Variants in OTULINL observed in about 807,000 individuals in gnomAD.
OTULINL encodes OTU deubiquitinase with linear linkage specificity like.
A neutral mutation model predicts 43.9 loss-of-function variants in OTULINL; 42 were observed. That is an observed-to-expected ratio of 0.96 (90% CI 0.75 to 1.24). OTULINL has a LOEUF of 1.24. Ranked by LOEUF, OTULINL falls within the 50% of genes most tolerant of loss-of-function variation. OTULINL has a pLI of 0.00. For missense variants in OTULINL, 411 were observed against 426.4 expected, an observed-to-expected ratio of 0.96 and a Z score of 0.32; for synonymous variants, 172 against 153.6, an observed-to-expected ratio of 1.12 and a Z score of -0.88.
At chr5:14,604,019 G>C (rs1435440779) in intron 5 of OTULINL, among the ~76,000 whole-genome samples, 1 of 152,078 alleles carries the variant, frequency 6.6e-6, no homozygotes, top group African/African-American at 2.4e-5. Flanking sequence ...GTTGCTAATT[G>C]CTGAGGACAA....
chr5:14,582,258 C>G (rs1488001683), intron 1 of OTULINL, among the ~76,000 whole-genome samples: 1 of 151,906 alleles, frequency 6.6e-6, no homozygotes, highest in Non-Finnish European at 1.5e-5. Context: ...GGAAGAAAGC[C>G]GGTCTTTGGG....
At chr5:14,600,368 G>A (rs913340366) in intron 1 of OTULINL, among the ~76,000 whole-genome samples, 2 of 152,220 alleles carry the variant, frequency 1.3e-5, no homozygotes, top group Non-Finnish European at 2.9e-5. Flanking sequence ...CCAGTCTCGG[G>A]TATGTCTTTA....
At chr5:14,587,967 C>T (rs979623040) in intron 1 of OTULINL, among the ~76,000 whole-genome samples, 1 of 152,160 alleles carries the variant, frequency 6.6e-6, no homozygotes, top group African/African-American at 2.4e-5. Context: ...AAGCTGATTA[C>T]CACCATGGAG....
intron 4 of OTULINL, among the ~76,000 whole-genome samples, 191 bp downstream of exon 4, chr5:14,601,633 G>A (rs1457572656): frequency 5.3e-5 from 8 of 152,204 alleles, no homozygotes; most frequent in Non-Finnish European, 1.0e-4. Flanking sequence ...CCTGGAGCTC[G>A]TGCCCTCAAG....
intron 1 of OTULINL, among the ~76,000 whole-genome samples, chr5:14,582,464 C>T (rs555163268): frequency 1.3e-5 from 2 of 152,118 alleles, no homozygotes; most frequent in Admixed American, 1.3e-4. Context: ...GCAGTCGAGA[C>T]TTGCTAACAA....
At chr5:14,595,837 C>T (rs900325077) in intron 1 of OTULINL, among the ~76,000 whole-genome samples, 5 of 151,862 alleles carry the variant, frequency 3.3e-5, no homozygotes, top group Admixed American at 3.3e-4. Context: ...GGGGTCCCAA[C>T]ATGCATTAAT....
chr5:14,605,809 C>G (rs1045927195), intron 5 of OTULINL, among the ~76,000 whole-genome samples: 2 of 152,194 alleles, frequency 1.3e-5, no homozygotes, highest in African/African-American at 2.4e-5. Context: ...TTCCTCATCT[C>G]CACCTGAGAC....
intron 7 of OTULINL, 50 bp downstream of exon 7, chr5:14,609,067 C>T (rs1759529276): frequency 6.4e-7 from 1 of 1,565,362 alleles, no homozygotes; most frequent in African/African-American, 1.4e-5. Context: ...TGCTGTGGCA[C>T]TATTTGAACA....
rs1759665507 is a variant in OTULINL, at chr5:14,615,915, GAC to G, written c.*5606_*5607del. ...TGCTCTTCTTTGTACTATACAGAAG[GAC>G]ACACCACAGATCCTCTTTTTAAAGC... is the stretch of plus-strand genomic sequence containing the variant. On this transcript the variant is annotated 3_prime_UTR_variant, in exon 8 of 8. Transcript: ENST00000274217. Among the ~76,000 whole-genome samples the G allele has an allele frequency of 6.6e-6, 1 of 152,148 alleles. No individual in the cohort carries two copies. The highest frequency in any genetic ancestry group is 2.1e-4 in the South Asian group (1 of 4,832).
At chr5:14,610,039 C>G in intron 7 of OTULINL, 102 bp from the exon 8 acceptor site, 1 of 998,202 alleles carries the variant, frequency 1.0e-6, no homozygotes, top group Non-Finnish European at 1.5e-6. Flanking sequence ...TGTCAACAAG[C>G]AGATTATTTC....
Position 14,601,352 on chromosome 5 carries a change from G to A in OTULINL, c.258G>A (p.Arg86=). 6.2e-7 allele frequency: 1 copy of A among 1,613,904 alleles called. No homozygotes were observed. Residue 86 remains arginine, a splice_region_variant and synonymous_variant, in exon 4 of 8, where the codon AGG becomes AGA. Coordinates refer to ENST00000274217, the MANE Select transcript of OTULINL (RefSeq NM_019018.3). ...WIGYLQRKFK[R]NLSVEAEVDL... ...CTTTTTATTTTTTATTTGGTCCAGGGAACCTCAGTGTGGAGGCAGAGGTTG... is the reference window on the plus strand; with the variant it reads ...CTTTTTATTTTTTATTTGGTCCAGGAAACCTCAGTGTGGAGGCAGAGGTTG...
intron 1 of OTULINL, among the ~76,000 whole-genome samples, chr5:14,584,780 T>G: frequency 6.6e-6 from 1 of 152,202 alleles, no homozygotes. Context: ...ATGAAAGATA[T>G]ATTCCTCGAT....
At position 14,615,011 on chromosome 5, in the gene OTULINL, TC is replaced by T; in HGVS notation, c.*4698del. On this transcript the variant is annotated 3_prime_UTR_variant, in exon 8 of 8. Transcript: ENST00000274217. Reference sequence around the variant, plus strand: ...AAAGAAGTACATGTTTTAAGTATTTTCATCGTAGTCTAGATGGGCTGTAAAA... The same window carrying T: ...AAAGAAGTACATGTTTTAAGTATTTTATCGTAGTCTAGATGGGCTGTAAAA... 2.9e-6 allele frequency: 1 copy of T among 348,188 alleles called. No homozygotes were observed. Among genetic ancestry groups the T allele is most frequent in the Non-Finnish European group, 5.1e-6 (1 of 195,000 alleles). 21.6% of individuals were successfully genotyped at this position (348,188 alleles called of 1,614,324 possible).
At chr5:14,582,187 A>G (rs966722025) in intron 1 of OTULINL, among the ~76,000 whole-genome samples, 40 of 151,986 alleles carry the variant, frequency 2.6e-4, no homozygotes, top group African/African-American at 8.9e-4. Flanking sequence ...ACGGGGTAGC[A>G]CTTGAATAAG....
intron 1 of OTULINL, among the ~76,000 whole-genome samples, chr5:14,585,299 G>T (rs187063341): frequency 2.6e-5 from 4 of 151,934 alleles, no homozygotes; most frequent in Non-Finnish European, 4.4e-5. Context: ...GCAGTTAAAG[G>T]CACCCACAAT....
At chr5:14,600,923 T>G in intron 1 of OTULINL, 42 bp from the exon 2 acceptor site, 1 of 1,378,930 alleles carries the variant, frequency 7.3e-7, no homozygotes, top group Non-Finnish European at 9.4e-7. Flanking sequence ...CTTGTGTAAT[T>G]GTGATGTGCT....
chr5:14,596,896 T>G lies in OTULINL; in HGVS notation c.65-4069T>G, dbSNP rs568979609. On this transcript the variant is annotated intron_variant, in intron 1 of 7. Transcript: ENST00000274217. ...CACCAGTCCTGTCATGGGGGCCCCA[T>G]GCTGATGGCCTTATCTAATCCTAAT... Among the ~76,000 whole-genome samples, 3 of 152,256 alleles carry G rather than the reference T, an allele frequency of 2.0e-5. No individual in the cohort carries two copies. The East Asian group carries it at 5.8e-4, about 29-fold the overall frequency.
chr5:14,595,824 G>A (rs922401500), intron 1 of OTULINL, among the ~76,000 whole-genome samples: 42 of 151,832 alleles, frequency 2.8e-4, no homozygotes, highest in African/African-American at 1.0e-3. Flanking sequence ...GCTTGTGTGG[G>A]TCGGGGTCCC....
At chr5:14,601,857 T>G (rs1366168386) in intron 4 of OTULINL, among the ~76,000 whole-genome samples, 1 of 152,098 alleles carries the variant, frequency 6.6e-6, no homozygotes, top group Admixed American at 6.5e-5. Context: ...ATCTTGCCAC[T>G]AGCAAAAGCA....
Sources: gnomAD v4.1 joint callset for allele counts (sites outside exome capture counted in the v4.1 genomes callset) on GRCh38, gnomAD v4.1.1 for gene constraint, MANE v1.5 for transcripts, NCBI Gene and HGNC (gene_info 2026-07-23, HGNC 2026-07-21) for gene names.